Variants in COPS5 observed in about 807,000 individuals in gnomAD.
COPS5 encodes COP9 signalosome subunit 5, also known as COP9 signalosome complex subunit 5.
Under a neutral mutation model 44.4 loss-of-function variants are expected in COPS5, and 8 were observed. That is an observed-to-expected ratio of 0.18 (90% CI 0.11 to 0.32). COPS5 has a LOEUF of 0.32. Ranked by LOEUF, COPS5 falls within the 10% of genes least tolerant of loss-of-function variation. The pLI is 1.00. For synonymous variants in COPS5, 122 were observed against 142.8 expected (o/e 0.85, Z 1.04); for missense variants, 159 against 406.4 (o/e 0.39, Z 5.23).
intron 6 of COPS5, among the ~76,000 whole-genome samples, chr8:67,050,519 C>T (rs1326310953): frequency 1.3e-5 from 2 of 151,538 alleles, no homozygotes; most frequent in African/African-American, 2.4e-5. Context: ...TAAAGCCAGT[C>T]AGACACAATG....
At chr8:67,060,430 A>G in intron 1 of COPS5, 2 of 1,288,192 alleles carry the variant, frequency 1.6e-6, no homozygotes, top group Non-Finnish European at 2.0e-6. Context: ...GTCTGCCCAC[A>G]GAAAGAATCC....
intron 7 of COPS5, chr8:67,045,453 C>CA (rs199646280): frequency 0.035 from 5,192 of 149,766 alleles, 80 homozygotes; most frequent in Admixed American, 0.053. Flanking sequence ...GATTCTGTCT[C>CA]AAAAAAAAAA....
intron 5 of COPS5, among the ~76,000 whole-genome samples, chr8:67,052,930 A>T (rs1413483116): frequency 3.3e-5 from 5 of 151,936 alleles, no homozygotes; most frequent in Non-Finnish European, 5.9e-5. Context: ...ATACAGTCAA[A>T]GGGGTGTTTT....
At chr8:67,048,113 G>C (rs1397376794) in intron 6 of COPS5, among the ~76,000 whole-genome samples, 1 of 151,520 alleles carries the variant, frequency 6.6e-6, no homozygotes, top group Admixed American at 6.6e-5. Flanking sequence ...CTGTCTCTAT[G>C]AAAAAATATA....
At chr8:67,060,539 C>T (rs1184093846) in intron 1 of COPS5, 1 of 1,285,376 alleles carries the variant, frequency 7.8e-7, no homozygotes, top group Admixed American at 2.3e-5. Flanking sequence ...CTTGGCTTCT[C>T]CCTTTACTGG....
Position 67,062,001 on chromosome 8 carries a change from G to A in COPS5, c.-5C>T. The A allele has an allele frequency of 6.2e-7, 1 of 1,614,188 alleles. No individual in the cohort carries two copies. The highest frequency in any genetic ancestry group is 8.5e-7 in the Non-Finnish European group (1 of 1,180,036). ...ACCGCTCCCGGACGCCGCCATCGCC[G>A]AGGAAGCGGAGAAGTTGTCGTCTCT... On this transcript the variant is annotated 5_prime_UTR_variant, in exon 1 of 8. Coordinates refer to ENST00000357849, the MANE Select transcript of COPS5 (RefSeq NM_006837.3).
In COPS5 at chr8:67,048,572, C is replaced by G. The variant is rs567050632; in HGVS notation, c.772-2612G>C. ...TCTACTAAAAATACAAAAAATTAGC[C>G]GGGCGTGGTGGCACGCACCTGTAAT... On this transcript the variant is annotated intron_variant, in intron 6 of 7. Coordinates refer to ENST00000357849, the MANE Select transcript of COPS5 (RefSeq NM_006837.3). Among the ~76,000 whole-genome samples the G allele has an allele frequency of 3.3e-5, 5 of 151,584 alleles. No individual in the cohort carries two copies. In the South Asian group the frequency reaches 6.2e-4, roughly 19 times the overall value.
intron 5 of COPS5, among the ~76,000 whole-genome samples, chr8:67,052,600 T>C (rs1001799367): frequency 6.6e-6 from 1 of 151,452 alleles, no homozygotes; most frequent in Admixed American, 6.6e-5. Flanking sequence ...GTATTTTTGG[T>C]AGAGATGGGG....
chr8:67,043,145 TA>T lies in COPS5; in HGVS notation c.*87del. 1 of 728,526 alleles carries T rather than the reference TA, an allele frequency of 1.4e-6. No individual in the cohort carries two copies. The highest frequency in any genetic ancestry group is 2.4e-6 in the Non-Finnish European group (1 of 419,466). 45.1% of individuals were successfully genotyped at this position (728,526 alleles called of 1,614,324 possible). A position where few individuals can be genotyped will look rare whatever the true frequency, so the allele number is the denominator to read the frequency against. On this transcript the variant is annotated 3_prime_UTR_variant, in exon 8 of 8. Coordinates refer to ENST00000357849, the MANE Select transcript of COPS5 (RefSeq NM_006837.3). ...GACACTTCAGAGCACCTTATACTTC[TA>T]ATCAGATTTTGGGTAACTGGTTTTA...
chr8:67,045,533 C>T (rs1816690205), intron 7 of COPS5: 1 of 374,866 alleles, frequency 2.7e-6, no homozygotes, highest in Admixed American at 4.0e-5. Context: ...GCTTTTGTCA[C>T]ACTTTCTAGT....
intron 5 of COPS5, among the ~76,000 whole-genome samples, chr8:67,053,943 T>G (rs1395760827): frequency 6.7e-6 from 1 of 149,088 alleles, no homozygotes; most frequent in Non-Finnish European, 1.5e-5. Context: ...GAGGCAGAGC[T>G]TGCAGTGAGC....
intron 6 of COPS5, among the ~76,000 whole-genome samples, chr8:67,048,481 C>T (rs942568862): frequency 6.6e-6 from 1 of 151,474 alleles, no homozygotes; most frequent in Admixed American, 6.6e-5. Flanking sequence ...CTTTGGGAGG[C>T]TGAGGCGGGT....
chr8:67,051,009 G>T (rs891629556), intron 6 of COPS5, among the ~76,000 whole-genome samples: 1 of 151,894 alleles, frequency 6.6e-6, no homozygotes, highest in Non-Finnish European at 1.5e-5. Flanking sequence ...CCCTGATCTG[G>T]ACACTCTGTT....
intron 6 of COPS5, among the ~76,000 whole-genome samples, chr8:67,048,429 A>C (rs530908149): frequency 6.6e-6 from 1 of 151,908 alleles, no homozygotes; most frequent in South Asian, 2.1e-4. Context: ...GCCTAAAAAA[A>C]ATTCCAGCCG....
At chr8:67,047,296 A>C (rs2129537750) in intron 6 of COPS5, among the ~76,000 whole-genome samples, 1 of 152,332 alleles carries the variant, frequency 6.6e-6, no homozygotes, top group African/African-American at 2.4e-5. Flanking sequence ...CAGTTCTTCC[A>C]ATGATTTTTA....
intron 6 of COPS5, chr8:67,047,560 G>A (rs1302314555): frequency 8.0e-6 from 3 of 374,428 alleles, no homozygotes; most frequent in African/African-American, 6.1e-5. Flanking sequence ...AATAACTTAG[G>A]TTACATGCTA....
chr8:67,053,047 G>C (rs967505246), intron 5 of COPS5, among the ~76,000 whole-genome samples: 1 of 151,944 alleles, frequency 6.6e-6, no homozygotes, highest in African/African-American at 2.4e-5. Context: ...CAGACTCAGA[G>C]GTTAGTGGTG....
chr8:67,047,629 C>CT (rs1816717346), intron 6 of COPS5: 1 of 475,838 alleles, frequency 2.1e-6, no homozygotes. Flanking sequence ...CATATTTGTT[C>CT]TTAAAATGCT....
At chr8:67,060,316 C>T (rs911740354) in intron 1 of COPS5, 4 of 1,169,996 alleles carry the variant, frequency 3.4e-6, no homozygotes, top group Non-Finnish European at 3.2e-6. Context: ...TAAGAGTACA[C>T]GAACCTAAAA....
Sources: allele counts gnomAD v4.1 joint callset (sites outside exome capture counted in the v4.1 genomes callset), GRCh38; gene constraint gnomAD v4.1.1; transcripts MANE v1.5; gene names NCBI Gene and HGNC (gene_info 2026-07-23, HGNC 2026-07-21).